The following MAP3K1 variants were observed in gnomAD, a reference collection of about 807,000 sequenced individuals.
MAP3K1 encodes MAP/ERK kinase kinase 1.
MAP3K1 carries 36 observed loss-of-function variants against 144.2 expected under a neutral mutation model. The observed-to-expected ratio is 0.25, with a 90% CI of 0.19 to 0.33. MAP3K1 has a LOEUF of 0.33. MAP3K1 is among the 10% of genes least tolerant of loss of function. The probability of loss-of-function intolerance (pLI) is 1.00; values close to 1 mark genes in which losing one functional copy is unlikely to be tolerated. For synonymous variants in MAP3K1, 718 were observed against 688.7 expected, an observed-to-expected ratio of 1.04 and a Z score of -0.67; for missense variants, 1,650 against 1,881.9, an observed-to-expected ratio of 0.88 and a Z score of 2.28.
chr5:56,824,012 A>G (rs536199810), intron 1 of MAP3K1, among the ~76,000 whole-genome samples: 3 of 152,220 alleles, frequency 2.0e-5, no homozygotes, highest in Non-Finnish European at 2.9e-5. Context: ...TAAACTTAAG[A>G]TATCATTTTT....
At chr5:56,828,059 A>G (rs938012718) in intron 1 of MAP3K1, among the ~76,000 whole-genome samples, 2 of 152,168 alleles carry the variant, frequency 1.3e-5, no homozygotes, top group African/African-American at 2.4e-5. Context: ...GTAACTGTCT[A>G]TGCTCACTAC....
Position 56,894,507 on chromosome 5 carries a change from A to G in MAP3K1, c.*827A>G, listed in dbSNP as rs1200091522. Reference sequence around the variant, plus strand: ...ACTACCTACATTTGAGTCAGTCACCACTCTTATTGTGCAGGTTAAGTACAA... The same window carrying G: ...ACTACCTACATTTGAGTCAGTCACCGCTCTTATTGTGCAGGTTAAGTACAA... On this transcript the variant is annotated 3_prime_UTR_variant, in exon 20 of 20. Transcript: ENST00000399503. 4.3e-6 allele frequency: 1 copy of G among 232,358 alleles called. No individual in the cohort carries two copies. The highest frequency in any genetic ancestry group is 8.5e-6 in the Non-Finnish European group (1 of 117,664). 14.4% of individuals were successfully genotyped at this position (232,358 alleles called of 1,614,324 possible).
intron 1 of MAP3K1, among the ~76,000 whole-genome samples, chr5:56,855,521 T>C (rs1181976237): frequency 1.3e-5 from 2 of 152,222 alleles, no homozygotes; most frequent in African/African-American, 4.8e-5. Context: ...GATGCTTCAG[T>C]GAAACGGGTT....
chr5:56,842,655 C>T (rs73135037), intron 1 of MAP3K1, among the ~76,000 whole-genome samples: 4,505 of 152,236 alleles, frequency 0.03, 244 homozygotes, highest in African/African-American at 0.1. Context: ...AGACTTAGAA[C>T]AAGGTGTGGC....
At chr5:56,857,351 A>T (rs915838919) in intron 2 of MAP3K1, among the ~76,000 whole-genome samples, 4 of 152,098 alleles carry the variant, frequency 2.6e-5, no homozygotes, top group African/African-American at 9.7e-5. Flanking sequence ...AAAAGCAGGG[A>T]TACTCTGTCC....
intron 18 of MAP3K1, 86 bp from the exon 19 acceptor site, chr5:56,888,140 A>C: frequency 2.4e-6 from 3 of 1,242,270 alleles, no homozygotes; most frequent in Admixed American, 3.4e-5. Context: ...TTCTCCCTAA[A>C]GTAAGGAAGT....
intron 1 of MAP3K1, among the ~76,000 whole-genome samples, chr5:56,822,991 C>T (rs1746199643): frequency 6.6e-6 from 1 of 152,184 alleles, no homozygotes; most frequent in Admixed American, 6.5e-5. Flanking sequence ...ACTTAGTGGC[C>T]TCCTTGCCTG....
intron 4 of MAP3K1, 54 bp from the exon 5 acceptor site, chr5:56,865,286 G>A: frequency 1.0e-6 from 1 of 1,005,012 alleles, no homozygotes; most frequent in Non-Finnish European, 1.6e-6. Flanking sequence ...AAATTTAGAA[G>A]TTCTTGTGAA....
intron 1 of MAP3K1, among the ~76,000 whole-genome samples, chr5:56,831,371 C>A (rs552405496): frequency 2.6e-5 from 4 of 152,032 alleles, no homozygotes; most frequent in Non-Finnish European, 5.9e-5. Flanking sequence ...CAGAATCCAT[C>A]GCAAACCAGT....
Position 56,884,843 on chromosome 5 carries a change from A to AATTACAAAATAGTAGTAC in MAP3K1, c.3982+18_3982+35dup, listed in dbSNP as rs748100125. ...GGATGGCAGGTATGTTAATGTTTTAAATTACAAAATAGTAGTACGTGGATT... is the reference window on the plus strand; with the variant it reads ...GGATGGCAGGTATGTTAATGTTTTAAATTACAAAATAGTAGTACATTACAAAATAGTAGTACGTGGATT... On this transcript the variant is annotated intron_variant, in intron 16 of 19. Transcript: ENST00000399503. The AATTACAAAATAGTAGTAC allele has an allele frequency of 3.7e-6, 6 of 1,610,628 alleles. No individual in the cohort carries two copies. The South Asian group carries it at 5.5e-5, about 15-fold the overall frequency.
chr5:56,875,356 T>G (rs1164727869), intron 10 of MAP3K1, 46 bp downstream of exon 10: 2 of 1,600,262 alleles, frequency 1.2e-6, no homozygotes, highest in African/African-American at 1.3e-5. Context: ...GTTTGGGGTT[T>G]TTTGATGGTT....
chr5:56,825,480 G>A (rs1746284902), intron 1 of MAP3K1, among the ~76,000 whole-genome samples: 2 of 152,130 alleles, frequency 1.3e-5, no homozygotes, highest in African/African-American at 4.8e-5. Context: ...ACAGAATCCT[G>A]CATACAACTT....
chr5:56,881,888 C>T lies in MAP3K1; in HGVS notation c.2688C>T (p.Thr896=). Reference sequence around the variant, plus strand: ...CTGTTCCCAACAACTATCTGGAAACCACAGAGAACAGTTCCCCTGAGTGCA... The same window carrying T: ...CTGTTCCCAACAACTATCTGGAAACTACAGAGAACAGTTCCCCTGAGTGCA... The part of the protein sequence containing the change: ...QASVPNNYLE[T]TENSSPECTV... The change falls in exon 14 of 20, where the codon ACC becomes ACT. Residue 896 remains threonine (T), a synonymous_variant. Transcript: ENST00000399503. 1 of 1,614,078 alleles carries T rather than the reference C, an allele frequency of 6.2e-7. No homozygotes were observed. Among genetic ancestry groups the T allele is most frequent in the Non-Finnish European group, 8.5e-7 (1 of 1,180,020 alleles).
rs1366692916 is a variant in MAP3K1 at position 56,893,701 on chromosome 5, C to T, written c.*21C>T. The T allele has an allele frequency of 1.9e-6, 3 of 1,612,928 alleles. No homozygotes were observed. Among genetic ancestry groups the T allele is most frequent in the Non-Finnish European group, 2.5e-6 (3 of 1,179,262 alleles). On this transcript the variant is annotated 3_prime_UTR_variant, in exon 20 of 20. Transcript: ENST00000399503. Reference sequence around the variant, plus strand: ...GGTAGCCAATTATGCAGATCAACTACAGTAGAAACAGGATGCTCAACAAGA... The same window carrying T: ...GGTAGCCAATTATGCAGATCAACTATAGTAGAAACAGGATGCTCAACAAGA...
At chr5:56,837,802 A>C (rs761601409) in intron 1 of MAP3K1, among the ~76,000 whole-genome samples, 4 of 152,232 alleles carry the variant, frequency 2.6e-5, no homozygotes, top group Non-Finnish European at 4.4e-5. Context: ...CAAGAGTGGG[A>C]AACAGATAAG....
chr5:56,879,382 G>A (rs1188662201), intron 11 of MAP3K1, among the ~76,000 whole-genome samples: 1 of 152,088 alleles, frequency 6.6e-6, no homozygotes, highest in Non-Finnish European at 1.5e-5. Context: ...AAGACCAGTC[G>A]ATAAGAACAG....
intron 19 of MAP3K1, among the ~76,000 whole-genome samples, chr5:56,892,825 CT>C (rs966177535): frequency 2.2e-4 from 33 of 151,866 alleles, no homozygotes; most frequent in African/African-American, 6.5e-4. Flanking sequence ...AAAACTAATA[CT>C]TTTTTTTATA....
intron 1 of MAP3K1, 127 bp downstream of exon 1, chr5:56,816,182 C>T (rs1353167213): frequency 1.0e-6 from 1 of 996,604 alleles, no homozygotes; most frequent in Non-Finnish European, 1.3e-6. Context: ...CTCGCCGGGA[C>T]CTACGCCCCT....
intron 1 of MAP3K1, among the ~76,000 whole-genome samples, chr5:56,837,133 C>G (rs950692390): frequency 2.0e-5 from 3 of 151,542 alleles, no homozygotes; most frequent in Non-Finnish European, 4.4e-5. Context: ...TTCACTGACC[C>G]CCTGAGCTAG....
Sources: gnomAD v4.1 joint callset for allele counts (sites outside exome capture counted in the v4.1 genomes callset) on GRCh38, gnomAD v4.1.1 for gene constraint, MANE v1.5 for transcripts, NCBI Gene and HGNC (gene_info 2026-07-23, HGNC 2026-07-21) for gene names.